Variants in ANO5 observed in about 807,000 individuals in gnomAD.
The protein encoded by ANO5 is anoctamin-5.
ANO5 carries 109 observed loss-of-function variants against 121.0 expected under a neutral mutation model. The observed-to-expected ratio is 0.90, with a 90% CI of 0.77 to 1.06. The LOEUF (loss-of-function observed/expected upper bound fraction) is 1.06, where lower values mean the gene tolerates loss of function less well. Ranked by LOEUF, ANO5 falls within the 50% of genes least tolerant of loss-of-function variation. The pLI, the probability that ANO5 is intolerant of heterozygous loss-of-function variation, is 0.00. For missense variants in ANO5, 1,064 were observed against 1,078.5 expected, an observed-to-expected ratio of 0.99 and a Z score of 0.19; for synonymous variants, 406 against 359.9, an observed-to-expected ratio of 1.13 and a Z score of -1.45.
chr11:22,224,620 C>T (rs1438111390), intron 5 of ANO5, among the ~76,000 whole-genome samples: 1 of 152,016 alleles, frequency 6.6e-6, no homozygotes, highest in African/African-American at 2.4e-5. Flanking sequence ...AACTATGAAA[C>T]TACCAGAAGA....
intron 1 of ANO5, among the ~76,000 whole-genome samples, chr11:22,199,176 C>T (rs75140649): frequency 0.043 from 6,601 of 152,170 alleles, 454 homozygotes; most frequent in African/African-American, 0.15. Context: ...TTTATTCTGA[C>T]ATTCTGAAAC....
intron 12 of ANO5, among the ~76,000 whole-genome samples, chr11:22,254,028 T>C (rs1853912311): frequency 6.6e-6 from 1 of 152,178 alleles, no homozygotes. Context: ...AATTAAGTGG[T>C]TAGTCTACTG....
chr11:22,259,907 C>T (rs1854136666), intron 15 of ANO5, among the ~76,000 whole-genome samples, 166 bp downstream of exon 15: 1 of 148,452 alleles, frequency 6.7e-6, no homozygotes, highest in South Asian at 2.1e-4. Context: ...GCTCAAGAGC[C>T]ACCATTCAAG....
intron 17 of ANO5, among the ~76,000 whole-genome samples, chr11:22,264,005 A>C (rs902894843): frequency 2.7e-5 from 4 of 147,778 alleles, no homozygotes; most frequent in South Asian, 2.1e-4. Context: ...TACCACATCC[A>C]TAAGGGAAAT....
chr11:22,268,842 C>G (rs1348565124), intron 17 of ANO5, among the ~76,000 whole-genome samples: 3 of 151,934 alleles, frequency 2.0e-5, no homozygotes, highest in African/African-American at 4.8e-5. Flanking sequence ...ATAATGGGAC[C>G]CCGTCATGTG....
chr11:22,208,995 A>G (rs1852202106), intron 2 of ANO5, among the ~76,000 whole-genome samples: 1 of 151,934 alleles, frequency 6.6e-6, no homozygotes, highest in Admixed American at 6.6e-5. Context: ...TCATTCAACT[A>G]TTGGATTGAG....
Position 22,220,877 on chromosome 11 carries a change from T to C in ANO5, c.181-220T>C, listed in dbSNP as rs80159991. ...ATATTTTGGTATGTTTGCAGCATTT[T>C]TGTTGTATGTGCATGTAGTTAACAT... On this transcript the variant is annotated intron_variant, in intron 4 of 21. Coordinates refer to ENST00000324559, the MANE Select transcript of ANO5 (RefSeq NM_213599.3). 0.014 allele frequency among the ~76,000 whole-genome samples: 2,177 copies of C among 152,038 alleles called. 64 individuals carry two copies. Among genetic ancestry groups the C allele is most frequent in the African/African-American group, 0.05 (2,070 of 41,522 alleles).
intron 17 of ANO5, among the ~76,000 whole-genome samples, chr11:22,263,960 A>G (rs1854277415): frequency 1.3e-5 from 2 of 151,952 alleles, no homozygotes; most frequent in Non-Finnish European, 2.9e-5. Flanking sequence ...ATGGTAATAA[A>G]TGTAAGCCTA....
At chr11:22,243,768 T>C (rs916990532) in intron 9 of ANO5, among the ~76,000 whole-genome samples, 31 of 152,332 alleles carry the variant, frequency 2.0e-4, no homozygotes, top group Non-Finnish European at 4.0e-4. Flanking sequence ...AATATCATCA[T>C]TGTCATTTCT....
intron 15 of ANO5, among the ~76,000 whole-genome samples, chr11:22,261,820 A>G (rs937739432): frequency 6.6e-6 from 1 of 152,028 alleles, no homozygotes; most frequent in Non-Finnish European, 1.5e-5. Context: ...TGGTTGGGAC[A>G]GAGTGCCAAA....
At position 22,267,296 on chromosome 11, in the gene ANO5, G is replaced by A. The variant is rs545529817; in HGVS notation, c.1899-3016G>A. 3.3e-5 allele frequency among the ~76,000 whole-genome samples: 5 copies of A among 151,308 alleles called. No homozygotes were observed. In the South Asian group the frequency reaches 6.3e-4, roughly 19 times the overall value. ...AAATATACGTGGATGGGATTTTTACGTTTGATATGAGATACAAGTCTGTTT... is the reference window on the plus strand; with the variant it reads ...AAATATACGTGGATGGGATTTTTACATTTGATATGAGATACAAGTCTGTTT... On this transcript the variant is annotated intron_variant, in intron 17 of 21. Coordinates refer to ENST00000324559, the MANE Select transcript of ANO5 (RefSeq NM_213599.3).
At chr11:22,197,559 C>A (rs1488183203) in intron 1 of ANO5, among the ~76,000 whole-genome samples, 1 of 152,102 alleles carries the variant, frequency 6.6e-6, no homozygotes, top group East Asian at 1.9e-4. Flanking sequence ...CTATGTTAAG[C>A]ATTGTGTCCA....
intron 1 of ANO5, among the ~76,000 whole-genome samples, chr11:22,199,591 T>A (rs1851904976): frequency 6.6e-6 from 1 of 152,172 alleles, no homozygotes. Context: ...TTCTATTTCA[T>A]CTTAACATAG....
At chr11:22,205,813 G>T (rs1373342744) in intron 2 of ANO5, among the ~76,000 whole-genome samples, 2 of 151,986 alleles carry the variant, frequency 1.3e-5, no homozygotes, top group Non-Finnish European at 2.9e-5. Flanking sequence ...ATACCAAAAA[G>T]ATAATAAAGG....
chr11:22,274,420 G>C, intron 19 of ANO5, 149 bp from the exon 20 acceptor site: 1 of 772,180 alleles, frequency 1.3e-6, no homozygotes, highest in Middle Eastern at 3.8e-4. Flanking sequence ...TGTGTTTCAG[G>C]ACAAAGACTT....
At chr11:22,277,536 G>T (rs1590337311) in intron 21 of ANO5, among the ~76,000 whole-genome samples, 2 of 151,472 alleles carry the variant, frequency 1.3e-5, no homozygotes, top group East Asian at 1.9e-4. Context: ...AATAGTCAGG[G>T]TTTATAAATT....
chr11:22,273,795 A>G (rs988457062), intron 19 of ANO5, among the ~76,000 whole-genome samples: 3 of 152,118 alleles, frequency 2.0e-5, no homozygotes, highest in Non-Finnish European at 4.4e-5. Context: ...AAAGTATGAG[A>G]GACTCTTGTG....
chr11:22,250,135 G>A (rs1853755079), intron 9 of ANO5, 102 bp from the exon 10 acceptor site: 2 of 1,107,054 alleles, frequency 1.8e-6, no homozygotes, highest in South Asian at 2.9e-5. Flanking sequence ...CTAGAAAGCA[G>A]TGGAGCCAAA....
chr11:22,269,500 GGA>G (rs1317428584), intron 17 of ANO5, among the ~76,000 whole-genome samples: 1 of 8,542 alleles, frequency 1.2e-4, no homozygotes, highest in African/African-American at 1.5e-3. Flanking sequence ...AAAAAGAAAA[GGA>G]AGGAAAGAAA....
Sources: allele counts gnomAD v4.1 joint callset (sites outside exome capture counted in the v4.1 genomes callset), GRCh38; gene constraint gnomAD v4.1.1; transcripts MANE v1.5; gene names NCBI Gene and HGNC (gene_info 2026-07-23, HGNC 2026-07-21).